Variants in ANKS1B observed in about 807,000 individuals in gnomAD.
The protein encoded by ANKS1B is ankyrin repeat and sterile alpha motif domain containing 1B.
ANKS1B carries 36 observed loss-of-function variants against 148.3 expected under a neutral mutation model. The observed-to-expected ratio is 0.24, with a 90% confidence interval of 0.19 to 0.32. ANKS1B has a LOEUF of 0.32. ANKS1B is among the 10% of genes least tolerant of loss of function. ANKS1B has a pLI of 1.00. For missense variants in ANKS1B, 1,157 were observed against 1,542.6 expected (o/e 0.75, Z 4.19); for synonymous variants, 542 against 560.8 (o/e 0.97, Z 0.47).
At chr12:99,146,712 C>A in intron 15 of ANKS1B, among the ~76,000 whole-genome samples, 1 of 152,172 alleles carries the variant, frequency 6.6e-6, no homozygotes, top group Non-Finnish European at 1.5e-5. Context: ...GATCTCCTCA[C>A]TCCCTTTCTC....
intron 12 of ANKS1B, among the ~76,000 whole-genome samples, chr12:99,286,154 C>A (rs2079092389): frequency 6.6e-6 from 1 of 151,506 alleles, no homozygotes; most frequent in Non-Finnish European, 1.5e-5. Flanking sequence ...CACCTTCCTT[C>A]TGCTTGAGAA....
chr12:99,427,782 G>C (rs1017568836), intron 11 of ANKS1B, among the ~76,000 whole-genome samples: 1 of 152,160 alleles, frequency 6.6e-6, no homozygotes, highest in Non-Finnish European at 1.5e-5. Flanking sequence ...AGTGAAGATG[G>C]GGTGAGAAAG....
intron 17 of ANKS1B, among the ~76,000 whole-genome samples, chr12:98,951,725 G>A (rs533636942): frequency 3.3e-5 from 5 of 152,056 alleles, no homozygotes; most frequent in South Asian, 2.1e-4. Context: ...ATCTGTCACC[G>A]TGTACCCTTG....
intron 8 of ANKS1B, among the ~76,000 whole-genome samples, chr12:99,764,076 T>C (rs2062418809): frequency 6.6e-6 from 1 of 152,238 alleles, no homozygotes; most frequent in Non-Finnish European, 1.5e-5. Flanking sequence ...ATTTTTCTCA[T>C]ATGCCTACAC....
chr12:99,939,921 A>G (rs2094877526), intron 1 of ANKS1B, among the ~76,000 whole-genome samples: 1 of 152,214 alleles, frequency 6.6e-6, no homozygotes, highest in Admixed American at 6.5e-5. Context: ...AAGTTTGCAC[A>G]TTTAAGAGAA....
intron 17 of ANKS1B, among the ~76,000 whole-genome samples, chr12:98,994,533 C>T (rs1598184896): frequency 1.3e-5 from 2 of 152,144 alleles, no homozygotes; most frequent in East Asian, 1.9e-4. Context: ...AGGAGAGAAT[C>T]GCTTGAACCC....
chr12:98,767,880 G>T (rs2098506283), intron 25 of ANKS1B, among the ~76,000 whole-genome samples: 1 of 152,210 alleles, frequency 6.6e-6, no homozygotes, highest in African/African-American at 2.4e-5. Flanking sequence ...GATCACTTCA[G>T]CCTCGGGATC....
At chr12:99,779,481 C>T (rs1465448408) in intron 6 of ANKS1B, among the ~76,000 whole-genome samples, 3 of 152,102 alleles carry the variant, frequency 2.0e-5, no homozygotes, top group African/African-American at 4.8e-5. Context: ...TTCATAGGGT[C>T]ATAGAAACCA....
intron 1 of ANKS1B, among the ~76,000 whole-genome samples, chr12:99,962,139 G>C (rs548000470): frequency 2.0e-4 from 31 of 152,102 alleles, no homozygotes; most frequent in African/African-American, 7.5e-4. Flanking sequence ...TGTTACATAG[G>C]TATACATGTG....
At chr12:99,920,442 G>GT (rs2094316620) in intron 1 of ANKS1B, among the ~76,000 whole-genome samples, 1 of 151,440 alleles carries the variant, frequency 6.6e-6, no homozygotes, top group Non-Finnish European at 1.5e-5. Context: ...ATATAATCAA[G>GT]AGTCTAGGAA....
Position 99,506,007 on chromosome 12 carries a change from G to C in ANKS1B, c.1273-1366C>G, listed in dbSNP as rs745859711. Reference sequence around the variant, plus strand: ...TACTTACCCTTGTGGTTTTGTGGCTGACTGGGAGTTGTGGCTTGCTACCAC... The same window carrying C: ...TACTTACCCTTGTGGTTTTGTGGCTCACTGGGAGTTGTGGCTTGCTACCAC... On this transcript the variant is annotated intron_variant, in intron 9 of 26. Transcript: ENST00000683438. 3.2e-4 allele frequency among the ~76,000 whole-genome samples: 48 copies of C among 152,190 alleles called. 1 individual carries two copies. Among genetic ancestry groups the C allele is most frequent in the Admixed American group, 1.2e-3 (19 of 15,260 alleles).
intron 17 of ANKS1B, among the ~76,000 whole-genome samples, chr12:98,979,196 A>G (rs1410777318): frequency 6.6e-6 from 1 of 151,904 alleles, no homozygotes; most frequent in East Asian, 1.9e-4. Flanking sequence ...TTATCCATAA[A>G]TTTACCACTT....
At chr12:99,899,172 T>TA (rs1434121130) in intron 1 of ANKS1B, among the ~76,000 whole-genome samples, 2 of 152,176 alleles carry the variant, frequency 1.3e-5, no homozygotes, top group African/African-American at 4.8e-5. Flanking sequence ...GTACTATATT[T>TA]ATCTTAATTT....
chr12:99,839,656 T>C (rs1341737122), intron 1 of ANKS1B, among the ~76,000 whole-genome samples: 3 of 152,160 alleles, frequency 2.0e-5, no homozygotes, highest in Non-Finnish European at 4.4e-5. Context: ...GTTTTCTAAA[T>C]ATTAACTCAA....
chr12:98,818,112 C>G (rs2099156023), intron 19 of ANKS1B, among the ~76,000 whole-genome samples: 1 of 151,908 alleles, frequency 6.6e-6, no homozygotes, highest in South Asian at 2.1e-4. Context: ...TTCCAAACTC[C>G]CTTCCCTTTC....
chr12:99,561,554 T>C (rs2097336003), intron 9 of ANKS1B, among the ~76,000 whole-genome samples: 1 of 152,210 alleles, frequency 6.6e-6, no homozygotes, highest in African/African-American at 2.4e-5. Context: ...ATGATTTTTA[T>C]ATCAAAACTT....
chr12:99,577,522 C>T (rs538533987), intron 9 of ANKS1B, among the ~76,000 whole-genome samples: 1 of 151,570 alleles, frequency 6.6e-6, no homozygotes, highest in Middle Eastern at 3.4e-3. Context: ...CAAATAAAAA[C>T]AATCAGAAAT....
At chr12:99,813,054 T>C (rs2068631536) in intron 2 of ANKS1B, among the ~76,000 whole-genome samples, 1 of 151,666 alleles carries the variant, frequency 6.6e-6, no homozygotes, top group African/African-American at 2.4e-5. Context: ...CCTTCACCTT[T>C]CTTCTCCAAG....
At chr12:99,241,866 T>C (rs1001112379) in intron 14 of ANKS1B, among the ~76,000 whole-genome samples, 7 of 152,130 alleles carry the variant, frequency 4.6e-5, no homozygotes, top group African/African-American at 1.7e-4. Context: ...TGCTAAAAAC[T>C]CTCAATAAAC....
Sources: gnomAD v4.1 joint callset for allele counts (sites outside exome capture counted in the v4.1 genomes callset) on GRCh38, gnomAD v4.1.1 for gene constraint, MANE v1.5 for transcripts, NCBI Gene and HGNC (gene_info 2026-07-23, HGNC 2026-07-21) for gene names.